Variants in GALNTL6 observed in about 807,000 individuals in gnomAD.
GALNTL6 encodes polypeptide N-acetylgalactosaminyltransferase like 6, also known as polypeptide N-acetylgalactosaminyltransferase-like 6.
GALNTL6 carries 46 observed loss-of-function variants against 73.7 expected under a neutral mutation model. The observed-to-expected ratio is 0.62, with a 90% CI of 0.49 to 0.80. The LOEUF is 0.80. Ranked by LOEUF, GALNTL6 falls within the 30% of genes least tolerant of loss-of-function variation. GALNTL6 has a pLI of 0.00. For missense variants in GALNTL6, 604 were observed against 755.0 expected (o/e 0.80, Z 2.34); for synonymous variants, 259 against 263.7 (o/e 0.98, Z 0.17).
chr4:172,658,973 G>C (rs1731229395), intron 5 of GALNTL6, among the ~76,000 whole-genome samples: 1 of 152,132 alleles, frequency 6.6e-6, no homozygotes, highest in African/African-American at 2.4e-5. Flanking sequence ...TTTAATGTAA[G>C]AATGCATGAA....
intron 5 of GALNTL6, among the ~76,000 whole-genome samples, chr4:172,678,859 AC>A (rs1732458850): frequency 6.6e-6 from 1 of 152,136 alleles, no homozygotes; most frequent in South Asian, 2.1e-4. Context: ...ATATTCTCCC[AC>A]CCGTGATTTC....
chr4:172,905,812 C>CAAAAAAA (rs397996287), intron 8 of GALNTL6, among the ~76,000 whole-genome samples: 12 of 69,674 alleles, frequency 1.7e-4, no homozygotes, highest in African/African-American at 3.2e-4. Flanking sequence ...AGAGATCACT[C>CAAAAAAA]AAAAAAAAAA....
intron 5 of GALNTL6, among the ~76,000 whole-genome samples, chr4:172,503,844 A>T (rs1206448903): frequency 1.3e-5 from 2 of 152,082 alleles, no homozygotes; most frequent in African/African-American, 4.8e-5. Context: ...AAATTTGATC[A>T]TTAAAAGGGA....
chr4:172,626,677 G>A (rs1415303858), intron 5 of GALNTL6, among the ~76,000 whole-genome samples: 1 of 152,012 alleles, frequency 6.6e-6, no homozygotes, highest in Admixed American at 6.6e-5. Flanking sequence ...ATTTCTTGCA[G>A]CAGTGTTTTG....
At chr4:172,931,052 A>G (rs1310214829) in intron 8 of GALNTL6, 109 bp from the exon 9 acceptor site, 6 of 701,096 alleles carry the variant, frequency 8.6e-6, no homozygotes, top group Non-Finnish European at 1.5e-5. Context: ...AGTAGAAATT[A>G]TTGATTTAAA....
intron 2 of GALNTL6, among the ~76,000 whole-genome samples, chr4:171,969,442 T>A (rs1308269707): frequency 6.6e-6 from 1 of 152,208 alleles, no homozygotes; most frequent in Non-Finnish European, 1.5e-5. Flanking sequence ...ATGAATTAAT[T>A]GCTTAGTTAA....
chr4:172,901,866 A>C (rs1013814396), intron 8 of GALNTL6, among the ~76,000 whole-genome samples: 4 of 152,194 alleles, frequency 2.6e-5, no homozygotes, highest in African/African-American at 9.6e-5. Flanking sequence ...CAGCTGAGAA[A>C]ATGGGCTCTC....
chr4:171,995,966 A>G (rs980806088), intron 2 of GALNTL6, among the ~76,000 whole-genome samples: 4 of 152,174 alleles, frequency 2.6e-5, no homozygotes, highest in Non-Finnish European at 5.9e-5. Context: ...ATAAAGGCAT[A>G]TTACCCACAA....
intron 2 of GALNTL6, among the ~76,000 whole-genome samples, chr4:172,093,619 C>T (rs1259466022): frequency 6.6e-6 from 1 of 152,132 alleles, no homozygotes; most frequent in Non-Finnish European, 1.5e-5. Context: ...ACAGCCACTC[C>T]CCTTCACTCT....
chr4:172,312,229 G>A (rs1464151955), intron 4 of GALNTL6, among the ~76,000 whole-genome samples: 4 of 152,118 alleles, frequency 2.6e-5, no homozygotes, highest in African/African-American at 9.7e-5. Context: ...GTGATTGCTG[G>A]TTCAATTTCT....
At chr4:172,652,240 C>T (rs1191135718) in intron 5 of GALNTL6, among the ~76,000 whole-genome samples, 1 of 152,068 alleles carries the variant, frequency 6.6e-6, no homozygotes, top group Non-Finnish European at 1.5e-5. Context: ...TCAGGAGTGT[C>T]GAGGTTATTC....
chr4:171,842,336 C>T (rs956227239), intron 2 of GALNTL6, among the ~76,000 whole-genome samples: 23 of 151,876 alleles, frequency 1.5e-4, no homozygotes, highest in Middle Eastern at 3.2e-3. Context: ...AAATGCAATC[C>T]CCAAAGATGC....
intron 8 of GALNTL6, among the ~76,000 whole-genome samples, chr4:172,926,945 A>C (rs1013408308): frequency 6.6e-6 from 1 of 152,230 alleles, no homozygotes; most frequent in Non-Finnish European, 1.5e-5. Flanking sequence ...GTGGAACAAC[A>C]TCTATAATAA....
intron 2 of GALNTL6, among the ~76,000 whole-genome samples, chr4:171,825,947 G>A (rs1734814156): frequency 6.6e-6 from 1 of 152,100 alleles, no homozygotes; most frequent in Non-Finnish European, 1.5e-5. Context: ...GTTGTCATTG[G>A]TTTGTCTGTA....
chr4:172,225,482 C>G (rs1392109387), intron 2 of GALNTL6, among the ~76,000 whole-genome samples: 1 of 151,274 alleles, frequency 6.6e-6, no homozygotes, highest in Non-Finnish European at 1.5e-5. Flanking sequence ...AGGTTCCCAA[C>G]CCATAATAAG....
chr4:173,029,074 G>A (rs1404894487), intron 12 of GALNTL6, among the ~76,000 whole-genome samples: 4 of 152,222 alleles, frequency 2.6e-5, no homozygotes, highest in Non-Finnish European at 5.9e-5. Context: ...AGAAGGGCTC[G>A]AGGTTGTTAT....
Position 172,372,807 on chromosome 4 carries a change from G to A in GALNTL6, c.553+24118G>A, listed in dbSNP as rs575970792. On this transcript the variant is annotated intron_variant, in intron 5 of 12. Coordinates refer to ENST00000506823, the MANE Select transcript of GALNTL6 (RefSeq NM_001034845.3). ...GGGGCCTGGCTATCTCGCTGTATCC[G>A]GGGATCCATAGTCGGCAAAAGCTGT... is the stretch of plus-strand genomic sequence containing the variant. 1.4e-4 allele frequency among the ~76,000 whole-genome samples: 22 copies of A among 152,214 alleles called. No homozygotes were observed. The East Asian group carries it at 1.9e-3, about 13-fold the overall frequency.
intron 2 of GALNTL6, among the ~76,000 whole-genome samples, chr4:172,182,313 T>A (rs1735274329): frequency 6.6e-6 from 1 of 152,124 alleles, no homozygotes; most frequent in South Asian, 2.1e-4. Context: ...GGAACGACTG[T>A]ATCACATAGA....
At chr4:172,758,955 A>G (rs1269566506) in intron 5 of GALNTL6, among the ~76,000 whole-genome samples, 2 of 152,218 alleles carry the variant, frequency 1.3e-5, no homozygotes, top group African/African-American at 4.8e-5. Flanking sequence ...AATGCATTTT[A>G]TCAGTCCACT....
Sources: allele counts gnomAD v4.1 joint callset (sites outside exome capture counted in the v4.1 genomes callset), GRCh38; gene constraint gnomAD v4.1.1; transcripts MANE v1.5; gene names NCBI Gene and HGNC (gene_info 2026-07-23, HGNC 2026-07-21).